The following ATL3 variants were observed in gnomAD, a reference collection of about 807,000 sequenced individuals.
ATL3 encodes atlastin GTPase 3.
A neutral mutation model predicts 69.5 loss-of-function variants in ATL3; 49 were observed. That is an observed-to-expected ratio of 0.71 (90% CI 0.56 to 0.89). ATL3 has a LOEUF of 0.89. Ranked by LOEUF, ATL3 falls within the 40% of genes least tolerant of loss-of-function variation. The probability of loss-of-function intolerance (pLI) is 0.00; values close to 1 mark genes in which losing one functional copy is unlikely to be tolerated. For synonymous variants in ATL3, 214 were observed against 224.1 expected (o/e 0.95, Z 0.40); for missense variants, 606 against 645.7 (o/e 0.94, Z 0.67).
chr11:63,635,596 A>G lies in ATL3; in HGVS notation c.979-6T>C. 6.3e-7 allele frequency: 1 copy of G among 1,591,346 alleles called. No homozygotes were observed. Among genetic ancestry groups the G allele is most frequent in the Non-Finnish European group, 8.6e-7 (1 of 1,160,208 alleles). The stretch of plus-strand genomic sequence containing the variant: ...TGATAAATTTTAATATATGCCTTAA[A>G]ATATAAACATAAAAACTGCTATAAA... On this transcript the variant is annotated splice_region_variant and splice_polypyrimidine_tract_variant and intron_variant, in intron 9 of 12. Coordinates refer to ENST00000398868, the MANE Select transcript of ATL3 (RefSeq NM_015459.5).
At position 63,646,519 on chromosome 11, in the gene ATL3, T is replaced by C. The variant is rs762136710; in HGVS notation, c.606A>G (p.Gln202=). The C allele has an allele frequency of 1.3e-6, 2 of 1,598,308 alleles. No individual in the cohort carries two copies. The highest frequency in any genetic ancestry group is 2.2e-5 in the East Asian group (1 of 44,724). The change falls in exon 6 of 13, where the codon CAA becomes CAG. Residue 202 remains glutamine (Q), a synonymous_variant. Transcript: ENST00000398868. The stretch of plus-strand genomic sequence containing the variant: ...TAAATATTCTAACCTGGAAAGGCTT[T>C]TGGAAAATTTCATCCATTGCCAGAC... ...YGRLAMDEIF[Q]KPFQTLMFLV... is the part of the protein sequence containing the mutation.
At chr11:63,637,259 G>A (rs369054814) in intron 8 of ATL3, among the ~76,000 whole-genome samples, 7 of 150,154 alleles carry the variant, frequency 4.7e-5, no homozygotes, top group African/African-American at 1.2e-4. Context: ...CTGGGCAACA[G>A]AGTGAGACTC....
chr11:63,658,949 T>A (rs1428278966), intron 2 of ATL3, 45 bp from the exon 3 acceptor site: 1 of 1,581,040 alleles, frequency 6.3e-7, no homozygotes, highest in South Asian at 1.2e-5. Context: ...TTAAAAATTT[T>A]ATGCATCAAG....
At chr11:63,666,893 G>C (rs1940588534) in intron 1 of ATL3, among the ~76,000 whole-genome samples, 1 of 152,218 alleles carries the variant, frequency 6.6e-6, no homozygotes, top group Non-Finnish European at 1.5e-5. Context: ...TGGATAACGT[G>C]ATGTTTTTGC....
chr11:63,636,908 T>C (rs778798690), intron 8 of ATL3, among the ~76,000 whole-genome samples: 1 of 152,216 alleles, frequency 6.6e-6, no homozygotes, highest in Non-Finnish European at 1.5e-5. Flanking sequence ...ATACTATATA[T>C]GCAGAATATC....
rs1590716486 is a variant in ATL3, at chr11:63,631,459, C to G, written c.1120G>C (p.Glu374Gln). ...YNNMEEVCGGEKPYLSPDILE... is the reference protein window; with the variant it reads ...YNNMEEVCGGQKPYLSPDILE... ...ATGTCTGGAGACAAATAAGGTTTCT[C>G]TCCCCCACAAACCTAAAAAGAACAA... Residue 374 changes from glutamate to glutamine, a missense_variant, in exon 12 of 13, where the codon GAG becomes CAG. Physicochemically the swap from Glu to Gln is conservative, Grantham distance 29 (BLOSUM62 2). Coordinates refer to ENST00000398868, the MANE Select transcript of ATL3 (RefSeq NM_015459.5). 1.2e-6 allele frequency: 2 copies of G among 1,603,986 alleles called. No individual in the cohort carries two copies.
At chr11:63,652,729 G>GGTGCT (rs764750952) in intron 3 of ATL3, among the ~76,000 whole-genome samples, 154 bp from the exon 4 acceptor site, 1 of 152,134 alleles carries the variant, frequency 6.6e-6, no homozygotes, top group Non-Finnish European at 1.5e-5. Context: ...CAACTATTTA[G>GGTGCT]GTGCTTTGCT....
At chr11:63,640,855 G>C (rs1301786030) in intron 8 of ATL3, among the ~76,000 whole-genome samples, 2 of 151,968 alleles carry the variant, frequency 1.3e-5, no homozygotes, top group East Asian at 3.9e-4. Context: ...GTCCACCTTG[G>C]CCTCCCAAAG....
At chr11:63,660,470 A>G (rs1940387227) in intron 1 of ATL3, among the ~76,000 whole-genome samples, 2 of 152,230 alleles carry the variant, frequency 1.3e-5, no homozygotes, top group South Asian at 4.1e-4. Flanking sequence ...ACATTCTGAT[A>G]GGAGCACAAA....
chr11:63,656,584 A>AC (rs1473250282), intron 3 of ATL3, among the ~76,000 whole-genome samples: 1 of 150,064 alleles, frequency 6.7e-6, no homozygotes, highest in Non-Finnish European at 1.5e-5. Flanking sequence ...AAATACAAAA[A>AC]TTAGCCAGGC....
At chr11:63,632,030 G>A (rs906402500) in intron 11 of ATL3, among the ~76,000 whole-genome samples, 2 of 152,062 alleles carry the variant, frequency 1.3e-5, no homozygotes, top group African/African-American at 2.4e-5. Context: ...AGGTGAGAAA[G>A]GCCCACCTGT....
intron 3 of ATL3, among the ~76,000 whole-genome samples, chr11:63,654,149 GTT>G (rs1178233786): frequency 5.1e-5 from 7 of 138,490 alleles, no homozygotes; most frequent in Admixed American, 7.3e-5. Flanking sequence ...GATACAATTT[GTT>G]TTTTTTTTTT....
At chr11:63,632,611 A>C (rs886118741) in intron 11 of ATL3, 2 of 885,050 alleles carry the variant, frequency 2.3e-6, no homozygotes, top group East Asian at 2.4e-5. Context: ...GTTACTATGG[A>C]CCTATTCCAT....
intron 8 of ATL3, among the ~76,000 whole-genome samples, chr11:63,639,927 A>G (rs1480061641): frequency 6.6e-6 from 1 of 151,504 alleles, no homozygotes; most frequent in Non-Finnish European, 1.5e-5. Context: ...TCAACTATCT[A>G]CCTTATCTTT....
intron 5 of ATL3, 74 bp from the exon 6 acceptor site, chr11:63,646,637 T>C: frequency 1.0e-6 from 1 of 969,690 alleles, no homozygotes; most frequent in Admixed American, 2.2e-5. Flanking sequence ...TAGCAAAGTA[T>C]TCATTATATT....
chr11:63,625,062 T>G lies in ATL3; in HGVS notation c.*4257A>C, dbSNP rs1002323771. The stretch of plus-strand genomic sequence containing the variant: ...AAACAAGCCTGCTAGGTAAGTCTTA[T>G]GCACTCCAAGGTAGATGAGAACCAC... On this transcript the variant is annotated 3_prime_UTR_variant, in exon 13 of 13. Transcript: ENST00000398868. The G allele has an allele frequency of 2.6e-5, 4 of 152,192 alleles. No individual in the cohort carries two copies. Among genetic ancestry groups the G allele is most frequent in the Non-Finnish European group, 5.9e-5 (4 of 68,046 alleles). The allele number at this position is 152,192 out of a possible 1,614,324, so 9.4% of individuals were successfully genotyped here.
intron 5 of ATL3, among the ~76,000 whole-genome samples, chr11:63,648,267 A>G (rs1939952568): frequency 6.6e-6 from 1 of 152,220 alleles, no homozygotes; most frequent in African/African-American, 2.4e-5. Context: ...TGGTTGCCAC[A>G]GCAAGCTTCT....
intron 12 of ATL3, among the ~76,000 whole-genome samples, chr11:63,630,396 C>T (rs1210378037): frequency 7.1e-6 from 1 of 140,330 alleles, no homozygotes; most frequent in Non-Finnish European, 1.5e-5. Context: ...CACTTCACTC[C>T]AGCCTGGGCA....
intron 1 of ATL3, among the ~76,000 whole-genome samples, chr11:63,670,113 T>A (rs1032755388): frequency 6.6e-6 from 1 of 151,842 alleles, no homozygotes; most frequent in Non-Finnish European, 1.5e-5. Flanking sequence ...TCTCAAAAAA[T>A]AATAATAAAA....
Sources: allele counts gnomAD v4.1 joint callset (sites outside exome capture counted in the v4.1 genomes callset), GRCh38; gene constraint gnomAD v4.1.1; transcripts MANE v1.5; gene names NCBI Gene and HGNC (gene_info 2026-07-23, HGNC 2026-07-21).